Variants in PTPRG observed in about 807,000 individuals in gnomAD.
PTPRG encodes the protein receptor-type tyrosine-protein phosphatase gamma.
PTPRG carries 102 observed loss-of-function variants against 165.3 expected under a neutral mutation model. That is an observed-to-expected ratio of 0.62 (90% confidence interval 0.53 to 0.73). PTPRG has a LOEUF of 0.73. PTPRG is among the 30% of genes least tolerant of loss of function. The pLI is 0.00. For missense variants in PTPRG, 1,866 were observed against 1,861.4 expected, an observed-to-expected ratio of 1.00 and a Z score of -0.05; for synonymous variants, 675 against 669.5, an observed-to-expected ratio of 1.01 and a Z score of -0.13.
chr3:62,001,447 G>A (rs1269467975), intron 3 of PTPRG, among the ~76,000 whole-genome samples: 1 of 152,120 alleles, frequency 6.6e-6, no homozygotes. Flanking sequence ...TCGTCCTGTG[G>A]ATGCAAAATG....
At chr3:62,127,175 T>C (rs766484488) in intron 5 of PTPRG, among the ~76,000 whole-genome samples, 4 of 152,222 alleles carry the variant, frequency 2.6e-5, no homozygotes, top group Non-Finnish European at 5.9e-5. Context: ...AGCCAGGCAG[T>C]GATCTCTTTC....
chr3:62,043,256 C>T (rs1432038061), intron 4 of PTPRG, among the ~76,000 whole-genome samples: 3 of 152,180 alleles, frequency 2.0e-5, no homozygotes, highest in Admixed American at 6.5e-5. Context: ...TATAGATACA[C>T]CTTTAGTGCT....
intron 10 of PTPRG, among the ~76,000 whole-genome samples, chr3:62,200,733 C>A (rs1700078734): frequency 6.6e-6 from 1 of 152,014 alleles, no homozygotes; most frequent in African/African-American, 2.4e-5. Context: ...AATCATTAGA[C>A]CATTTAAAAC....
chr3:62,057,525 C>A (rs1375447529), intron 4 of PTPRG, among the ~76,000 whole-genome samples: 1 of 152,090 alleles, frequency 6.6e-6, no homozygotes, highest in Admixed American at 6.5e-5. Context: ...TTCTCTTGGC[C>A]CCAGGCCAGT....
chr3:62,283,470 A>T (rs1257072787), intron 28 of PTPRG, among the ~76,000 whole-genome samples: 1 of 152,142 alleles, frequency 6.6e-6, no homozygotes, highest in Non-Finnish European at 1.5e-5. Context: ...CTTTAATAAG[A>T]AGGAAAGGGT....
chr3:61,897,500 A>G (rs2107513480), intron 2 of PTPRG, among the ~76,000 whole-genome samples: 1 of 152,340 alleles, frequency 6.6e-6, no homozygotes, highest in Non-Finnish European at 1.5e-5. Context: ...GCTGTACAGT[A>G]AGTCAATATC....
chr3:61,613,525 TTATC>T (rs1701230871), intron 1 of PTPRG, among the ~76,000 whole-genome samples: 1 of 152,224 alleles, frequency 6.6e-6, no homozygotes, highest in Non-Finnish European at 1.5e-5. Context: ...CAAGGTTAAA[TTATC>T]TATTTAAAAC....
rs1248229849 is a variant in PTPRG, at chr3:62,219,080, G to A, written c.2288+97G>A. ...ATCCCACGGCCTCTGCATTCAGGAA[G>A]GTGAGGTAGCTTAAGTGTTTCTGGT... On this transcript the variant is annotated intron_variant, in intron 13 of 29. Coordinates refer to ENST00000474889, the MANE Select transcript of PTPRG (RefSeq NM_002841.4). The surrounding 1 kb of genome is among the most constrained non-coding windows in gnomAD (Gnocchi z 4.5). The A allele has an allele frequency of 1.8e-5, 26 of 1,483,402 alleles. No individual in the cohort carries two copies. Among genetic ancestry groups the A allele is most frequent in the South Asian group, 1.2e-4 (9 of 76,502 alleles). 91.9% of individuals were successfully genotyped at this position (1,483,402 alleles called of 1,614,324 possible). A position where few individuals can be genotyped will look rare whatever the true frequency, so the allele number is the denominator to read the frequency against.
At chr3:61,606,316 C>T (rs1701005088) in intron 1 of PTPRG, among the ~76,000 whole-genome samples, 1 of 152,186 alleles carries the variant, frequency 6.6e-6, no homozygotes, top group African/African-American at 2.4e-5. Flanking sequence ...TGGATGTTTG[C>T]TTCTCCAAGG....
Position 62,003,254 on chromosome 3 carries a change from C to T in PTPRG, c.371-95C>T, listed in dbSNP as rs112702366. On this transcript the variant is annotated intron_variant, in intron 3 of 29. Coordinates refer to ENST00000474889, the MANE Select transcript of PTPRG (RefSeq NM_002841.4). The stretch of plus-strand genomic sequence containing the variant: ...AGGTACATGAGGACATAATTCATAT[C>T]ATGGTAATGGTGAACTTTATTAGAA... 3.6e-5 allele frequency: 49 copies of T among 1,378,940 alleles called. No homozygotes were observed. The African/African-American group carries it at 3.6e-4, about 10-fold the overall frequency. The allele number at this position is 1,378,940 out of a possible 1,614,324, so 85.4% of individuals were successfully genotyped here.
intron 15 of PTPRG, among the ~76,000 whole-genome samples, chr3:62,244,294 G>T (rs1364985397): frequency 1.3e-5 from 2 of 152,176 alleles, no homozygotes; most frequent in Non-Finnish European, 2.9e-5. Flanking sequence ...TGGAAATAGA[G>T]GAATACATTA....
rs113185347 is a variant in PTPRG at position 62,168,598 on chromosome 3, G to A, written c.1033+435G>A. On this transcript the variant is annotated intron_variant, in intron 8 of 29. Coordinates refer to ENST00000474889, the MANE Select transcript of PTPRG (RefSeq NM_002841.4). ...TGGCTCATCTGTTCAGTCACCATTC[G>A]CTGCTCAGACACATAAGGTCTAGGG... Among the ~76,000 whole-genome samples, 9 of 152,220 alleles carry A rather than the reference G, an allele frequency of 5.9e-5. No homozygotes were observed. The East Asian group carries it at 1.4e-3, about 23-fold the overall frequency.
At chr3:61,620,368 T>C (rs1701415817) in intron 1 of PTPRG, among the ~76,000 whole-genome samples, 1 of 152,200 alleles carries the variant, frequency 6.6e-6, no homozygotes, top group South Asian at 2.1e-4. Flanking sequence ...GCCAGTGATA[T>C]ATGGGGCTAT....
At chr3:61,943,996 A>G (rs1000049658) in intron 2 of PTPRG, among the ~76,000 whole-genome samples, 4 of 152,296 alleles carry the variant, frequency 2.6e-5, no homozygotes, top group Admixed American at 6.5e-5. Flanking sequence ...CGTTGAATAT[A>G]TATTGAGCAG....
chr3:61,697,176 C>T (rs2030653053), intron 1 of PTPRG, among the ~76,000 whole-genome samples: 1 of 152,124 alleles, frequency 6.6e-6, no homozygotes, highest in Non-Finnish European at 1.5e-5. Flanking sequence ...GTCCTAAGAC[C>T]CTCATTCCAG....
At chr3:61,782,741 T>C (rs1421707293) in intron 2 of PTPRG, among the ~76,000 whole-genome samples, 3 of 152,216 alleles carry the variant, frequency 2.0e-5, no homozygotes, top group South Asian at 2.1e-4. Context: ...GGTTATGATA[T>C]GCTCTTTCAT....
At chr3:61,871,533 T>C (rs944632289) in intron 2 of PTPRG, among the ~76,000 whole-genome samples, 1 of 152,180 alleles carries the variant, frequency 6.6e-6, no homozygotes, top group Admixed American at 6.5e-5. Context: ...ATAAAACTGC[T>C]GACTCTCCCT....
At chr3:61,723,345 G>C (rs2032127899) in intron 1 of PTPRG, among the ~76,000 whole-genome samples, 1 of 151,794 alleles carries the variant, frequency 6.6e-6, no homozygotes. Flanking sequence ...CTAAGAAGTT[G>C]CTAAGTTTTA....
chr3:61,875,007 C>T (rs1262093510), intron 2 of PTPRG, among the ~76,000 whole-genome samples: 3 of 152,166 alleles, frequency 2.0e-5, no homozygotes, highest in Non-Finnish European at 4.4e-5. Flanking sequence ...ATGGGATGAG[C>T]AGGAACAGAA....
Sources: gnomAD v4.1 joint callset for allele counts (sites outside exome capture counted in the v4.1 genomes callset) on GRCh38, gnomAD v4.1.1 for gene constraint, Gnocchi (gnomAD v3.1) non-coding constraint, MANE v1.5 for transcripts, NCBI Gene and HGNC (gene_info 2026-07-23, HGNC 2026-07-21) for gene names.